Variants in FCHSD2 observed in about 807,000 individuals in gnomAD.
The protein encoded by FCHSD2 is FCH and double SH3 domains 2.
A neutral mutation model predicts 108.1 loss-of-function variants in FCHSD2; 38 were observed. The ratio of observed to expected loss-of-function variants is 0.35; its 90% CI spans 0.27 to 0.46. The LOEUF is 0.46. Ranked by LOEUF, FCHSD2 falls within the 20% of genes least tolerant of loss-of-function variation. The probability of loss-of-function intolerance (pLI) is 1.00; values close to 1 mark genes in which losing one functional copy is unlikely to be tolerated. For synonymous variants in FCHSD2, 279 were observed against 314.7 expected, an observed-to-expected ratio of 0.89 and a Z score of 1.20; for missense variants, 751 against 897.8, an observed-to-expected ratio of 0.84 and a Z score of 2.09.
chr11:73,051,693 A>C (rs1167539047), intron 3 of FCHSD2, among the ~76,000 whole-genome samples: 1 of 152,178 alleles, frequency 6.6e-6, no homozygotes, highest in Non-Finnish European at 1.5e-5. Flanking sequence ...AACCCTCAAA[A>C]CCTAAGTAGT....
intron 2 of FCHSD2, among the ~76,000 whole-genome samples, chr11:73,097,025 A>T (rs1441179895): frequency 1.3e-4 from 2 of 15,656 alleles, no homozygotes; most frequent in Non-Finnish European, 1.8e-4. Flanking sequence ...TTGATGAGAC[A>T]GGGTCTCACT....
At chr11:73,084,588 T>G (rs1194701652) in intron 2 of FCHSD2, among the ~76,000 whole-genome samples, 1 of 152,198 alleles carries the variant, frequency 6.6e-6, no homozygotes, top group Non-Finnish European at 1.5e-5. Context: ...AGATGGAGTC[T>G]TGATATGTTT....
intron 2 of FCHSD2, among the ~76,000 whole-genome samples, chr11:73,093,431 T>C (rs569911157): frequency 6.6e-6 from 1 of 152,020 alleles, no homozygotes; most frequent in Non-Finnish European, 1.5e-5. Flanking sequence ...AACCTTGAAG[T>C]TGGTGTCAAA....
At chr11:72,860,580 C>T (rs916392737) in intron 13 of FCHSD2, among the ~76,000 whole-genome samples, 1 of 152,150 alleles carries the variant, frequency 6.6e-6, no homozygotes, top group Admixed American at 6.5e-5. Flanking sequence ...TGCAGTGGCT[C>T]ACTCCTATAA....
intron 9 of FCHSD2, among the ~76,000 whole-genome samples, chr11:72,907,318 C>T (rs543911195): frequency 6.6e-6 from 1 of 152,166 alleles, no homozygotes; most frequent in South Asian, 2.1e-4. Context: ...AATTGAATAC[C>T]CTTTATTTCT....
chr11:72,897,811 T>C (rs774364907), intron 10 of FCHSD2, among the ~76,000 whole-genome samples: 1 of 152,146 alleles, frequency 6.6e-6, no homozygotes, highest in Non-Finnish European at 1.5e-5. Flanking sequence ...ATTCTTATTA[T>C]AGACAGGAAG....
intron 8 of FCHSD2, among the ~76,000 whole-genome samples, chr11:72,974,474 A>C (rs1232170831): frequency 6.6e-6 from 1 of 152,228 alleles, no homozygotes; most frequent in Non-Finnish European, 1.5e-5. Flanking sequence ...TTTAGAGGAC[A>C]CATTCAAACC....
chr11:73,080,296 CAAAAAA>C (rs370633105), intron 3 of FCHSD2, among the ~76,000 whole-genome samples: 2 of 52,300 alleles, frequency 3.8e-5, no homozygotes, highest in East Asian at 6.1e-4. Flanking sequence ...GACCCTGTCT[CAAAAAA>C]AAAAAAAAAA....
At chr11:72,930,140 G>A (rs745422990) in intron 8 of FCHSD2, among the ~76,000 whole-genome samples, 2 of 152,158 alleles carry the variant, frequency 1.3e-5, no homozygotes, top group Non-Finnish European at 2.9e-5. Context: ...GAGGGGCCAG[G>A]AGGAAAAAGC....
Position 73,050,454 on chromosome 11 carries a change from T to C in FCHSD2, c.165+33241A>G, listed in dbSNP as rs140054772. ...GAAAGAATATTACTATAAACATATATGGGACGGGTCACCTTTATCACAATG... is the reference window on the plus strand; with the variant it reads ...GAAAGAATATTACTATAAACATATACGGGACGGGTCACCTTTATCACAATG... On this transcript the variant is annotated intron_variant, in intron 3 of 19. Coordinates refer to ENST00000409418, the MANE Select transcript of FCHSD2 (RefSeq NM_014824.3). 3.6e-3 allele frequency among the ~76,000 whole-genome samples: 543 copies of C among 152,332 alleles called. 1 individual carries two copies. Among genetic ancestry groups the C allele is most frequent in the African/African-American group, 0.012 (515 of 41,574 alleles).
chr11:73,125,827 T>A (rs561214313), intron 2 of FCHSD2, among the ~76,000 whole-genome samples: 13 of 152,196 alleles, frequency 8.5e-5, no homozygotes, highest in African/African-American at 2.9e-4. Context: ...TTTCAATTGA[T>A]TCAATGTAAC....
In FCHSD2 at chr11:72,867,964, G is replaced by C. The variant is rs1489542783; in HGVS notation, c.1209C>G (p.Asp403Glu). 1.3e-6 allele frequency: 2 copies of C among 1,591,912 alleles called. No individual in the cohort carries two copies. The highest frequency in any genetic ancestry group is 1.3e-5 in the African/African-American group (1 of 74,750). The change falls in exon 13 of 20, where the codon GAC (aspartate) becomes GAG (glutamate). Residue 403 changes from aspartate (D) to glutamate (E), a missense_variant. Coordinates refer to ENST00000409418, the MANE Select transcript of FCHSD2 (RefSeq NM_014824.3). ...GGTTCATGGCACTCTTTAGCCATGTGTCCACAGAAACACCAATCTGCTTTA... is the reference window on the plus strand; with the variant it reads ...GGTTCATGGCACTCTTTAGCCATGTCTCCACAGAAACACCAATCTGCTTTA... ...DLLKQIGVSVDTWLKSAMNQV... is the reference protein window; with the variant it reads ...DLLKQIGVSVETWLKSAMNQV...
At chr11:72,872,268 C>T (rs890215946) in intron 12 of FCHSD2, among the ~76,000 whole-genome samples, 1 of 136,044 alleles carries the variant, frequency 7.4e-6, no homozygotes, top group African/African-American at 2.7e-5. Context: ...TTTTGGCACA[C>T]AACTTTTTTT....
At chr11:72,988,035 G>A (rs917302167) in intron 6 of FCHSD2, among the ~76,000 whole-genome samples, 1 of 152,132 alleles carries the variant, frequency 6.6e-6, no homozygotes. Context: ...GATAAACCGC[G>A]GAGCCCCTGA....
At chr11:73,138,384 A>C (rs896516287) in intron 2 of FCHSD2, among the ~76,000 whole-genome samples, 1 of 152,158 alleles carries the variant, frequency 6.6e-6, no homozygotes, top group East Asian at 1.9e-4. Flanking sequence ...GACAAAACGC[A>C]ATCAAGAAGT....
chr11:72,964,966 T>C (rs1856880131), intron 8 of FCHSD2, among the ~76,000 whole-genome samples: 1 of 152,022 alleles, frequency 6.6e-6, no homozygotes, highest in Non-Finnish European at 1.5e-5. Context: ...ATTTTTTGTA[T>C]TTTTAGTAGA....
At chr11:73,130,798 C>T (rs757560848) in intron 2 of FCHSD2, among the ~76,000 whole-genome samples, 5 of 152,148 alleles carry the variant, frequency 3.3e-5, no homozygotes, top group African/African-American at 4.8e-5. Flanking sequence ...TATATATTTA[C>T]ATTTAAATTT....
intron 13 of FCHSD2, among the ~76,000 whole-genome samples, chr11:72,865,023 CA>C (rs1359012533): frequency 1.3e-5 from 2 of 152,226 alleles, no homozygotes; most frequent in Non-Finnish European, 2.9e-5. Context: ...AGTTAATACC[CA>C]AGTAAGTATA....
intron 8 of FCHSD2, among the ~76,000 whole-genome samples, chr11:72,972,345 T>A (rs1385035587): frequency 6.6e-6 from 1 of 152,222 alleles, no homozygotes; most frequent in Non-Finnish European, 1.5e-5. Flanking sequence ...TAGACCTCTA[T>A]AAGAAATTTG....
Sources: gnomAD v4.1 joint callset for allele counts (sites outside exome capture counted in the v4.1 genomes callset) on GRCh38, gnomAD v4.1.1 for gene constraint, MANE v1.5 for transcripts, NCBI Gene and HGNC (gene_info 2026-07-23, HGNC 2026-07-21) for gene names.